The following SGIP1 variants were observed in gnomAD, a reference collection of about 807,000 sequenced individuals.
SGIP1 encodes the protein SH3-containing GRB2-like protein 3-interacting protein 1.
SGIP1 carries 38 observed loss-of-function variants against 107.5 expected under a neutral mutation model. The observed-to-expected ratio is 0.35, with a 90% CI of 0.27 to 0.46. The LOEUF is 0.46. Among genes scored for constraint, SGIP1 ranks in the 20% least tolerant of loss-of-function variants. SGIP1 has a pLI of 1.00. For missense variants in SGIP1, 929 were observed against 1,019.5 expected, an observed-to-expected ratio of 0.91 and a Z score of 1.21; for synonymous variants, 365 against 366.1, an observed-to-expected ratio of 1.00 and a Z score of 0.03.
chr1:66,608,370 T>C (rs10443224), intron 1 of SGIP1, among the ~76,000 whole-genome samples: 20,598 of 152,248 alleles, frequency 0.14, 2,064 homozygotes, highest in East Asian at 0.46. Flanking sequence ...ATTTCTAATC[T>C]GTAATATGTG....
chr1:66,549,523 T>G (rs772341352), intron 1 of SGIP1, among the ~76,000 whole-genome samples: 8 of 152,166 alleles, frequency 5.3e-5, no homozygotes, highest in Non-Finnish European at 1.2e-4. Context: ...GTGGCAAGCA[T>G]TAAATGACAC....
At chr1:66,607,380 T>C (rs12045543) in intron 1 of SGIP1, among the ~76,000 whole-genome samples, 20,619 of 152,242 alleles carry the variant, frequency 0.14, 2,069 homozygotes, top group East Asian at 0.46. Flanking sequence ...TGGGGTGTGG[T>C]CTCAGGCAGA....
intron 20 of SGIP1, among the ~76,000 whole-genome samples, chr1:66,732,769 A>G: frequency 6.6e-6 from 1 of 152,122 alleles, no homozygotes; most frequent in Admixed American, 6.6e-5. Flanking sequence ...CATCTTTAAA[A>G]ACAAAGACAA....
Position 66,562,502 on chromosome 1 carries a change from C to A in SGIP1, c.10+28134C>A, listed in dbSNP as rs118190696. On this transcript the variant is annotated intron_variant, in intron 1 of 24. Transcript: ENST00000371037. ...TGGGATAGAGACTGCAGTGGAAGCA[C>A]GAAGCTGAGAAAAGACAAAGAGGAC... Among the ~76,000 whole-genome samples the A allele has an allele frequency of 4.0e-3, 606 of 151,964 alleles. 19 individuals are homozygous for A. In the East Asian group the frequency reaches 0.043, roughly 11 times the overall value.
chr1:66,561,432 A>G (rs190696680), intron 1 of SGIP1, among the ~76,000 whole-genome samples: 111 of 152,092 alleles, frequency 7.3e-4, no homozygotes, highest in African/African-American at 1.9e-3. Context: ...TAAAAAATCT[A>G]CTCTATATCA....
At chr1:66,615,197 T>C (rs1013211639) in intron 1 of SGIP1, among the ~76,000 whole-genome samples, 2 of 152,128 alleles carry the variant, frequency 1.3e-5, no homozygotes, top group Non-Finnish European at 2.9e-5. Context: ...TGCAATGCTA[T>C]GAACTTGGCT....
chr1:66,541,389 T>C (rs1444119264), intron 1 of SGIP1, among the ~76,000 whole-genome samples: 2 of 152,270 alleles, frequency 1.3e-5, no homozygotes, highest in East Asian at 3.8e-4. Flanking sequence ...GTTCTGTGAA[T>C]GTCTTGTGAC....
At chr1:66,645,024 A>C (rs2077425652) in intron 7 of SGIP1, among the ~76,000 whole-genome samples, 1 of 152,136 alleles carries the variant, frequency 6.6e-6, no homozygotes, top group South Asian at 2.1e-4. Context: ...CTTTCAAATT[A>C]TTTTTCACTT....
At chr1:66,704,317 A>G (rs539604821) in intron 18 of SGIP1, 1 of 152,084 alleles carries the variant, frequency 6.6e-6, no homozygotes, top group African/African-American at 2.4e-5. Context: ...GGAGCAAGAC[A>G]ATGATTTGGA....
At chr1:66,617,126 G>A (rs554593139) in intron 1 of SGIP1, among the ~76,000 whole-genome samples, 2 of 152,274 alleles carry the variant, frequency 1.3e-5, no homozygotes, top group African/African-American at 2.4e-5. Flanking sequence ...CATGCCGACC[G>A]ACTTTGAACA....
chr1:66,661,607 T>A (rs1405669775), intron 8 of SGIP1, among the ~76,000 whole-genome samples: 1 of 152,224 alleles, frequency 6.6e-6, no homozygotes, highest in African/African-American at 2.4e-5. Context: ...CGCTTCTGAG[T>A]AATTCAGAGT....
rs2094556420 is a variant in SGIP1 at position 66,746,626 on chromosome 1, G to A, written c.*3531G>A. 1 of 152,046 alleles carries A rather than the reference G, an allele frequency of 6.6e-6. No individual in the cohort carries two copies. Among genetic ancestry groups the A allele is most frequent in the African/African-American group, 2.4e-5 (1 of 41,426 alleles). 9.4% of individuals were successfully genotyped at this position (152,046 alleles called of 1,614,324 possible). A position where few individuals can be genotyped will look rare whatever the true frequency, so the allele number is the denominator to read the frequency against. On this transcript the variant is annotated 3_prime_UTR_variant, in exon 25 of 25. Coordinates refer to ENST00000371037, the MANE Select transcript of SGIP1 (RefSeq NM_032291.4). ...TAATTCTCTTATCAATCAAAAAATT[G>A]TAAGTACTCTTTTTAATTCCTGTTT...
chr1:66,551,559 T>C (rs1034442818), intron 1 of SGIP1, among the ~76,000 whole-genome samples: 1 of 152,208 alleles, frequency 6.6e-6, no homozygotes, highest in African/African-American at 2.4e-5. Context: ...TTGATTTTAA[T>C]ATTCTTAACA....
chr1:66,590,938 T>A (rs894446481), intron 1 of SGIP1, among the ~76,000 whole-genome samples: 3 of 152,232 alleles, frequency 2.0e-5, no homozygotes, highest in African/African-American at 7.2e-5. Context: ...AGCCCAGCTG[T>A]CAGTGGCTCA....
intron 1 of SGIP1, among the ~76,000 whole-genome samples, chr1:66,534,980 G>C (rs1360732105): frequency 6.6e-6 from 1 of 152,092 alleles, no homozygotes; most frequent in Non-Finnish European, 1.5e-5. Context: ...CTCCTGATTC[G>C]GGGTCTTATC....
At chr1:66,619,195 G>A (rs979050450) in intron 1 of SGIP1, among the ~76,000 whole-genome samples, 1 of 152,182 alleles carries the variant, frequency 6.6e-6, no homozygotes. Flanking sequence ...TAAAAGCACA[G>A]TGAGGGATGA....
chr1:66,578,008 C>G (rs937363689), intron 1 of SGIP1, among the ~76,000 whole-genome samples: 1 of 152,104 alleles, frequency 6.6e-6, no homozygotes, highest in Non-Finnish European at 1.5e-5. Context: ...ACCAAAATAT[C>G]TCAATGTTAT....
At chr1:66,667,201 G>C (rs550240049) in intron 8 of SGIP1, among the ~76,000 whole-genome samples, 2 of 152,004 alleles carry the variant, frequency 1.3e-5, no homozygotes, top group South Asian at 4.2e-4. Context: ...ACTATCTGGA[G>C]AAAAACTTCT....
intron 1 of SGIP1, among the ~76,000 whole-genome samples, chr1:66,589,216 A>ATATGTGTGTGTGTGTGTGTGTGTG (rs1553238978): frequency 4.1e-5 from 4 of 96,432 alleles, no homozygotes; most frequent in African/African-American, 8.2e-5. Context: ...ATATATATAT[A>ATATGTGTGTGTGTGTGTGTGTGTG]TGTAAGGCTT....
Sources: gnomAD v4.1 joint callset for allele counts (sites outside exome capture counted in the v4.1 genomes callset) on GRCh38, gnomAD v4.1.1 for gene constraint, MANE v1.5 for transcripts, NCBI Gene and HGNC (gene_info 2026-07-23, HGNC 2026-07-21) for gene names.